The following NEDD4 variants were observed in gnomAD, a reference collection of about 807,000 sequenced individuals.
The protein encoded by NEDD4 is E3 ubiquitin-protein ligase NEDD4.
Under a neutral mutation model 144.9 loss-of-function variants are expected in NEDD4, and 99 were observed. The ratio of observed to expected loss-of-function variants is 0.68; its 90% CI spans 0.58 to 0.81. The LOEUF (loss-of-function observed/expected upper bound fraction) is 0.81. Among genes scored for constraint, NEDD4 ranks in the 30% least tolerant of loss-of-function variants. NEDD4 has a pLI of 0.00. For synonymous variants in NEDD4, 318 were observed against 350.6 expected, an observed-to-expected ratio of 0.91 and a Z score of 1.04; for missense variants, 985 against 1,065.9, an observed-to-expected ratio of 0.92 and a Z score of 1.06.
intron 7 of NEDD4, among the ~76,000 whole-genome samples, chr15:55,871,635 C>T (rs919217160): frequency 6.6e-6 from 1 of 152,040 alleles, no homozygotes; most frequent in African/African-American, 2.4e-5. Flanking sequence ...TCAGTGAGCA[C>T]TCCTTTTCAT....
At chr15:55,851,612 G>A (rs1231321198) in intron 13 of NEDD4, among the ~76,000 whole-genome samples, 1 of 152,014 alleles carries the variant, frequency 6.6e-6, no homozygotes, top group African/African-American at 2.4e-5. Flanking sequence ...AAGTAGATGG[G>A]ATTACAGGCA....
At chr15:55,886,419 T>C (rs1223339877) in intron 5 of NEDD4, among the ~76,000 whole-genome samples, 1 of 152,196 alleles carries the variant, frequency 6.6e-6, no homozygotes, top group Non-Finnish European at 1.5e-5. Flanking sequence ...GCATGGATCC[T>C]TCTCAAGGAC....
intron 13 of NEDD4, among the ~76,000 whole-genome samples, chr15:55,852,095 A>T (rs2034004829): frequency 6.6e-6 from 1 of 151,890 alleles, no homozygotes; most frequent in African/African-American, 2.4e-5. Flanking sequence ...CAGGAGTTTC[A>T]GATCAGCCTG....
chr15:55,876,271 G>GAGGAAA (rs1357632250), intron 5 of NEDD4, among the ~76,000 whole-genome samples: 1 of 152,060 alleles, frequency 6.6e-6, no homozygotes, highest in Non-Finnish European at 1.5e-5. Context: ...TCTTCAGGCT[G>GAGGAAA]AGGATAAGTG....
chr15:55,930,610 G>C (rs1352489967), intron 4 of NEDD4, among the ~76,000 whole-genome samples: 2 of 152,334 alleles, frequency 1.3e-5, no homozygotes, highest in African/African-American at 4.8e-5. Context: ...AATGCTTACT[G>C]ATATGGTTTG....
At chr15:55,915,177 G>C (rs878865929) in intron 5 of NEDD4, 30 of 979,950 alleles carry the variant, frequency 3.1e-5, no homozygotes, top group Admixed American at 1.5e-4. Flanking sequence ...GCTAGCTAAG[G>C]ACCAGGAAAA....
chr15:55,869,680 G>A lies in NEDD4; in HGVS notation c.406C>T (p.His136Tyr). 1 of 1,511,492 alleles carries A rather than the reference G, an allele frequency of 6.6e-7. No individual in the cohort carries two copies. The highest frequency in any genetic ancestry group is 9.0e-7 in the Non-Finnish European group (1 of 1,110,542). 93.6% of individuals were successfully genotyped at this position (1,511,492 alleles called of 1,614,324 possible). ...AGATAACCTTTAACTCTTGATTTGT[G>A]ACTGTAGAAAAGAAAATAAATATTC... ...FKDFVLHPRS[H>Y]KSRVKGYLRL... The change falls in exon 8 of 29, where the codon CAC (histidine) becomes TAC (tyrosine). Residue 136 changes from histidine (H) to tyrosine (Y), a missense_variant and splice_region_variant. By Grantham distance (83) the His-to-Tyr change is moderately conservative (BLOSUM62 2). Transcript: ENST00000435532.
chr15:55,905,704 G>C (rs868375633), intron 5 of NEDD4, among the ~76,000 whole-genome samples: 14 of 152,232 alleles, frequency 9.2e-5, no homozygotes, highest in Non-Finnish European at 2.1e-4. Context: ...TATATCCTTC[G>C]CCCACTTGTT....
intron 13 of NEDD4, 101 bp downstream of exon 13, chr15:55,852,323 G>GTTC: frequency 5.5e-6 from 7 of 1,274,252 alleles, no homozygotes; most frequent in Middle Eastern, 2.1e-4. Flanking sequence ...AAAGAAGGTG[G>GTTC]TAGAAGTATC....
At chr15:55,915,925 G>A (rs756923683) in intron 5 of NEDD4, 2 of 1,613,838 alleles carry the variant, frequency 1.2e-6, no homozygotes, top group Non-Finnish European at 1.7e-6. Context: ...ATTTCACTAG[G>A]AGAAATAATA....
rs1260036513 is a variant in NEDD4 at position 55,862,904 on chromosome 15, A to C, written c.674+9T>G. 5.1e-6 allele frequency: 8 copies of C among 1,576,656 alleles called. No homozygotes were observed. The Admixed American group carries it at 1.4e-4, about 28-fold the overall frequency. Reference sequence around the variant, plus strand: ...CCAGATTAAAATTGTGAAAGCCATCAGCACATACTGAGGGGTTGGTCTTTT... The same window carrying C: ...CCAGATTAAAATTGTGAAAGCCATCCGCACATACTGAGGGGTTGGTCTTTT... On this transcript the variant is annotated intron_variant, in intron 9 of 28. Transcript: ENST00000435532.
intron 5 of NEDD4, among the ~76,000 whole-genome samples, chr15:55,922,020 C>T (rs900075929): frequency 6.6e-6 from 1 of 152,178 alleles, no homozygotes. Flanking sequence ...AAATTCACAT[C>T]GGTATCAGTG....
chr15:55,841,260 G>C (rs2033489994), intron 19 of NEDD4, among the ~76,000 whole-genome samples: 1 of 152,060 alleles, frequency 6.6e-6, no homozygotes, highest in Non-Finnish European at 1.5e-5. Flanking sequence ...CAAAAATAAT[G>C]GAATATTATT....
At chr15:55,841,808 T>G (rs2033519066) in intron 19 of NEDD4, 126 bp downstream of exon 19, 1 of 716,578 alleles carries the variant, frequency 1.4e-6, no homozygotes, top group East Asian at 2.7e-5. Context: ...CCTGACCTTG[T>G]GATCCGCCCG....
chr15:55,839,141 A>G (rs1387383027), intron 21 of NEDD4, among the ~76,000 whole-genome samples: 10 of 150,382 alleles, frequency 6.6e-5, no homozygotes, highest in Non-Finnish European at 1.5e-4. Flanking sequence ...TGATCCTCCT[A>G]CCTCAGCCTC....
chr15:55,935,720 G>A (rs917546983), intron 4 of NEDD4, among the ~76,000 whole-genome samples: 25 of 151,556 alleles, frequency 1.6e-4, no homozygotes, highest in Admixed American at 5.9e-4. Flanking sequence ...GGTGGCATGC[G>A]CCTGTAGTCC....
chr15:55,941,265 T>G (rs1447315638), intron 4 of NEDD4, among the ~76,000 whole-genome samples: 5 of 152,190 alleles, frequency 3.3e-5, no homozygotes, highest in African/African-American at 1.2e-4. Flanking sequence ...TTCTTTTTCT[T>G]TAAAGAACTT....
intron 4 of NEDD4, among the ~76,000 whole-genome samples, chr15:55,929,167 C>CT (rs1296610832): frequency 6.6e-6 from 1 of 152,170 alleles, no homozygotes; most frequent in African/African-American, 2.4e-5. Context: ...ACAGGGGCAA[C>CT]TGCCCTAATG....
At chr15:55,875,657 TA>T (rs1246701623) in intron 5 of NEDD4, among the ~76,000 whole-genome samples, 3 of 151,878 alleles carry the variant, frequency 2.0e-5, no homozygotes, top group African/African-American at 4.8e-5. Flanking sequence ...ATACATGAAA[TA>T]AAAAAATTCA....
Sources: gnomAD v4.1 joint callset for allele counts (sites outside exome capture counted in the v4.1 genomes callset) on GRCh38, gnomAD v4.1.1 for gene constraint, MANE v1.5 for transcripts, NCBI Gene and HGNC (gene_info 2026-07-23, HGNC 2026-07-21) for gene names.